DOCK3: variants seen among roughly 807,000 people sequenced by gnomAD.
The protein encoded by DOCK3 is dedicator of cytokinesis protein 3.
In DOCK3, 60 loss-of-function variants were observed where a neutral mutation model predicts 265.6. The observed-to-expected ratio is 0.23, with a 90% CI of 0.18 to 0.28. The LOEUF is 0.28. Among genes scored for constraint, DOCK3 ranks in the 10% least tolerant of loss-of-function variants. DOCK3 has a pLI of 1.00. For missense variants in DOCK3, 1,981 were observed against 2,594.3 expected (o/e 0.76, Z 5.14); for synonymous variants, 881 against 938.0 (o/e 0.94, Z 1.11).
At chr3:51,174,708 C>T (rs558713129) in intron 12 of DOCK3, among the ~76,000 whole-genome samples, 1 of 152,232 alleles carries the variant, frequency 6.6e-6, no homozygotes, top group South Asian at 2.1e-4. Flanking sequence ...ATCCAGGTCG[C>T]TTTGTGTTAA....
chr3:50,833,887 G>A (rs1045569958), intron 2 of DOCK3, among the ~76,000 whole-genome samples: 1 of 152,120 alleles, frequency 6.6e-6, no homozygotes. Flanking sequence ...GGAGAAATCA[G>A]GTAGAGAGAG....
chr3:51,018,848 A>T (rs1056652058), intron 5 of DOCK3, among the ~76,000 whole-genome samples: 3 of 151,890 alleles, frequency 2.0e-5, no homozygotes, highest in South Asian at 2.1e-4. Context: ...TTCAGTTTTT[A>T]AAAAATTACC....
chr3:50,925,551 C>T (rs2050710750), intron 4 of DOCK3, among the ~76,000 whole-genome samples: 1 of 151,322 alleles, frequency 6.6e-6, no homozygotes, highest in South Asian at 2.1e-4. Context: ...AAGACTCTGC[C>T]TCCTTAAAAA....
chr3:51,013,920 G>A lies in DOCK3; in HGVS notation c.316-50528G>A, dbSNP rs954195195. On this transcript the variant is annotated intron_variant, in intron 5 of 52. Coordinates refer to ENST00000266037, the MANE Select transcript of DOCK3 (RefSeq NM_004947.5). ...AGCCATGCTTGCTGCCTAGCAGTTCGATCTGGGATTAGCAGTGAGTAAGGC... is the reference window on the plus strand; with the variant it reads ...AGCCATGCTTGCTGCCTAGCAGTTCAATCTGGGATTAGCAGTGAGTAAGGC... 1.4e-4 allele frequency among the ~76,000 whole-genome samples: 22 copies of A among 152,286 alleles called. No homozygotes were observed. The South Asian group carries it at 2.7e-3, about 19-fold the overall frequency.
In DOCK3 at chr3:50,933,859, A is replaced by G. The variant is rs1168151859; in HGVS notation, c.219-122A>G. The G allele has an allele frequency of 8.4e-6, 5 of 596,674 alleles. No homozygotes were observed. In the East Asian group the frequency reaches 8.5e-5, roughly 10 times the overall value. The allele number at this position is 596,674 out of a possible 1,614,324, so 37.0% of individuals were successfully genotyped here. A position where few individuals can be genotyped will look rare whatever the true frequency, so the allele number is the denominator to read the frequency against. On this transcript the variant is annotated intron_variant, in intron 4 of 52. Transcript: ENST00000266037. ...TAAAAAGGTCTTTGATCAATTAGAT[A>G]TACTTCTTTTTTATTTGCATAAATT...
chr3:51,294,134 A>G (rs1213604059), intron 27 of DOCK3, among the ~76,000 whole-genome samples: 3 of 152,206 alleles, frequency 2.0e-5, no homozygotes, highest in Non-Finnish European at 2.9e-5. Context: ...AGAGATATGT[A>G]CACTCCCATG....
chr3:51,331,246 TGAG>T (rs1446161473), intron 33 of DOCK3, among the ~76,000 whole-genome samples: 1 of 152,216 alleles, frequency 6.6e-6, no homozygotes, highest in Non-Finnish European at 1.5e-5. Context: ...TTTTGTTTCT[TGAG>T]GAGTCATGAG....
At chr3:50,891,830 T>C (rs1259190252) in intron 4 of DOCK3, among the ~76,000 whole-genome samples, 1 of 152,020 alleles carries the variant, frequency 6.6e-6, no homozygotes, top group Non-Finnish European at 1.5e-5. Flanking sequence ...GAGGAACTTA[T>C]CCTAAGTTTA....
chr3:50,796,862 G>T (rs1002658131), intron 2 of DOCK3, among the ~76,000 whole-genome samples: 1 of 151,984 alleles, frequency 6.6e-6, no homozygotes, highest in African/African-American at 2.4e-5. Flanking sequence ...ATTTTAGGGG[G>T]CTAATGCTCA....
chr3:51,075,183 C>T (rs928596811), intron 6 of DOCK3, among the ~76,000 whole-genome samples, 173 bp from the exon 7 acceptor site: 2 of 152,184 alleles, frequency 1.3e-5, no homozygotes, highest in African/African-American at 2.4e-5. Context: ...TCCCTAGCCT[C>T]ATTTACCCAG....
rs928207357 is a variant in DOCK3 at position 50,863,666 on chromosome 3, T to C, written c.162+21951T>C. Among the ~76,000 whole-genome samples the C allele has an allele frequency of 1.1e-4, 17 of 152,328 alleles. 1 individual carries two copies. The Middle Eastern group carries it at 0.01, about 91-fold the overall frequency. ...TCACCAGTAACTTTGGTCTTCTTTC[T>C]GAGAAGAGCTGGCACCTGACATCCC... On this transcript the variant is annotated intron_variant, in intron 3 of 52. Transcript: ENST00000266037.
chr3:51,316,716 G>A (rs1262263034), intron 32 of DOCK3, among the ~76,000 whole-genome samples: 1 of 152,186 alleles, frequency 6.6e-6, no homozygotes, highest in Non-Finnish European at 1.5e-5. Context: ...GACTAATGGT[G>A]TTGAGCATCT....
rs782022962 is a variant in DOCK3, at chr3:51,380,091, C to T, written c.5501-34C>T. ...GCTGGCATGAAGTCTGTGCAGGGCC[C>T]CCAGCTGAGGCTCTGGTTCTGTTCC... On this transcript the variant is annotated intron_variant, in intron 51 of 52. Coordinates refer to ENST00000266037, the MANE Select transcript of DOCK3 (RefSeq NM_004947.5). 9 of 1,598,404 alleles carry T rather than the reference C, an allele frequency of 5.6e-6. No individual in the cohort carries two copies. In the African/African-American group the frequency reaches 1.2e-4, roughly 21 times the overall value.
At chr3:51,056,255 T>C (rs2081197693) in intron 5 of DOCK3, among the ~76,000 whole-genome samples, 2 of 152,178 alleles carry the variant, frequency 1.3e-5, no homozygotes, top group African/African-American at 2.4e-5. Flanking sequence ...ATTTTTATTT[T>C]ATTTATTTTT....
At chr3:50,826,457 C>T (rs2044762511) in intron 2 of DOCK3, among the ~76,000 whole-genome samples, 1 of 152,134 alleles carries the variant, frequency 6.6e-6, no homozygotes, top group African/African-American at 2.4e-5. Flanking sequence ...CAAGCTTCAC[C>T]CATCTATTTG....
At chr3:51,045,075 T>G (rs1203100118) in intron 5 of DOCK3, among the ~76,000 whole-genome samples, 1 of 152,158 alleles carries the variant, frequency 6.6e-6, no homozygotes, top group Admixed American at 6.5e-5. Flanking sequence ...ACAACTTGGT[T>G]GTTTGGTGCA....
At chr3:50,973,294 C>T (rs2077314554) in intron 5 of DOCK3, among the ~76,000 whole-genome samples, 1 of 141,474 alleles carries the variant, frequency 7.1e-6, no homozygotes, top group Admixed American at 7.6e-5. Context: ...CCCCCTCCCC[C>T]CACCCCAAAA....
At chr3:51,186,294 T>C (rs2087598451) in intron 12 of DOCK3, among the ~76,000 whole-genome samples, 1 of 152,290 alleles carries the variant, frequency 6.6e-6, no homozygotes, top group Admixed American at 6.5e-5. Flanking sequence ...GTCATAGAGA[T>C]TTGTGGAACA....
At chr3:51,082,677 C>T (rs975671815) in intron 7 of DOCK3, among the ~76,000 whole-genome samples, 1 of 152,184 alleles carries the variant, frequency 6.6e-6, no homozygotes, top group African/African-American at 2.4e-5. Context: ...CCATACACTG[C>T]CATGGGCACA....
Sources: gnomAD v4.1 joint callset for allele counts (sites outside exome capture counted in the v4.1 genomes callset) on GRCh38, gnomAD v4.1.1 for gene constraint, MANE v1.5 for transcripts, NCBI Gene and HGNC (gene_info 2026-07-23, HGNC 2026-07-21) for gene names.